CNTN4: variants seen among roughly 807,000 people sequenced by gnomAD.
CNTN4 encodes contactin-4.
A neutral mutation model predicts 122.5 loss-of-function variants in CNTN4; 77 were observed. The observed-to-expected ratio is 0.63, with a 90% CI of 0.52 to 0.76. The LOEUF (loss-of-function observed/expected upper bound fraction) is 0.76. CNTN4 is among the 30% of genes least tolerant of loss of function. The pLI is 0.00. For synonymous variants in CNTN4, 512 were observed against 447.0 expected (o/e 1.15, Z -1.83); for missense variants, 1,256 against 1,259.1 (o/e 1.00, Z 0.04).
intron 5 of CNTN4, among the ~76,000 whole-genome samples, chr3:2,741,791 A>G (rs748235476): frequency 1.7e-4 from 26 of 152,162 alleles, no homozygotes; most frequent in Non-Finnish European, 3.4e-4. Context: ...TTTTCCCCCA[A>G]ACTGTGACCT....
chr3:3,027,914 A>G (rs148268329), intron 15 of CNTN4, among the ~76,000 whole-genome samples: 395 of 152,280 alleles, frequency 2.6e-3, no homozygotes, highest in African/African-American at 8.7e-3. Flanking sequence ...TTCATCTTTC[A>G]TATGGAAAAT....
chr3:2,146,873 T>A (rs938178689), intron 2 of CNTN4, among the ~76,000 whole-genome samples: 7 of 152,082 alleles, frequency 4.6e-5, no homozygotes, highest in African/African-American at 1.7e-4. Flanking sequence ...TTCCATAGTT[T>A]TTTGTTGTTG....
At chr3:2,263,198 A>G (rs1052721200) in intron 2 of CNTN4, among the ~76,000 whole-genome samples, 3 of 152,272 alleles carry the variant, frequency 2.0e-5, no homozygotes, top group Non-Finnish European at 4.4e-5. Flanking sequence ...AATATATCCT[A>G]TATTTTAAAA....
intron 4 of CNTN4, among the ~76,000 whole-genome samples, chr3:2,657,427 T>C (rs1215111006): frequency 6.6e-6 from 1 of 152,190 alleles, no homozygotes. Flanking sequence ...TTTTTATTCA[T>C]GCTGAAGTAA....
At chr3:2,514,485 A>T (rs1021680342) in intron 3 of CNTN4, among the ~76,000 whole-genome samples, 1 of 150,604 alleles carries the variant, frequency 6.6e-6, no homozygotes, top group African/African-American at 2.5e-5. Flanking sequence ...AAAAAAAAAA[A>T]TGAATATGAC....
At chr3:2,517,045 C>G (rs764042219) in intron 3 of CNTN4, among the ~76,000 whole-genome samples, 28 of 152,040 alleles carry the variant, frequency 1.8e-4, no homozygotes, top group Admixed American at 4.6e-4. Flanking sequence ...TGAAATATAT[C>G]AAGTGTAAGG....
Position 2,842,237 on chromosome 3 carries a change from G to T in CNTN4, c.454+22656G>T, listed in dbSNP as rs141517512. On this transcript the variant is annotated intron_variant, in intron 7 of 24. Transcript: ENST00000418658. ...TGAAGAGAACCTTGAAACAGATGCT[G>T]CAATAATCCAAGTAAGAGATATTGG... Among the ~76,000 whole-genome samples, 725 of 152,304 alleles carry T rather than the reference G, an allele frequency of 4.8e-3. 6 individuals are homozygous for T. Among genetic ancestry groups the T allele is most frequent in the African/African-American group, 0.017 (691 of 41,556 alleles).
At chr3:2,801,531 A>C (rs2092346586) in intron 6 of CNTN4, among the ~76,000 whole-genome samples, 1 of 152,202 alleles carries the variant, frequency 6.6e-6, no homozygotes, top group Non-Finnish European at 1.5e-5. Flanking sequence ...CCTATTATGC[A>C]TCTTGGTAAA....
rs368044102 is a variant in CNTN4, at chr3:2,230,575, A to G, written c.-144-108603A>G. Among the ~76,000 whole-genome samples, 3 of 152,282 alleles carry G rather than the reference A, an allele frequency of 2.0e-5. No homozygotes were observed. The East Asian group carries it at 5.8e-4, about 29-fold the overall frequency. ...CCAATAATATGGGTTCTTTCCTTTT[A>G]GAAACTAACTTAATCACTGGAACCA... On this transcript the variant is annotated intron_variant, in intron 2 of 24. Coordinates refer to ENST00000418658, the MANE Select transcript of CNTN4 (RefSeq NM_175607.3).
At chr3:2,464,137 T>G (rs757777341) in intron 3 of CNTN4, among the ~76,000 whole-genome samples, 1 of 152,196 alleles carries the variant, frequency 6.6e-6, no homozygotes, top group Non-Finnish European at 1.5e-5. Context: ...GACAACTTCA[T>G]TTGTCCTCTG....
intron 2 of CNTN4, among the ~76,000 whole-genome samples, chr3:2,245,688 T>A (rs958612326): frequency 6.6e-6 from 1 of 152,060 alleles, no homozygotes; most frequent in Non-Finnish European, 1.5e-5. Context: ...GGTGTACGTA[T>A]TTTCTTTTGT....
At chr3:2,918,952 C>T (rs758479007) in intron 12 of CNTN4, among the ~76,000 whole-genome samples, 1 of 152,180 alleles carries the variant, frequency 6.6e-6, no homozygotes, top group African/African-American at 2.4e-5. Flanking sequence ...CTGCAACATA[C>T]ATTCATTCAT....
intron 13 of CNTN4, among the ~76,000 whole-genome samples, chr3:2,943,630 A>T (rs13064094): frequency 0.29 from 36,973 of 128,236 alleles, 5,475 homozygotes; most frequent in South Asian, 0.31. Context: ...ATATATATAT[A>T]TTTTTTTTTT....
intron 2 of CNTN4, among the ~76,000 whole-genome samples, chr3:2,186,293 G>A (rs1314467046): frequency 6.6e-6 from 1 of 152,140 alleles, no homozygotes; most frequent in Admixed American, 6.5e-5. Flanking sequence ...GTATTTCATG[G>A]TGTATATGTG....
At chr3:2,455,748 T>C (rs955586960) in intron 3 of CNTN4, among the ~76,000 whole-genome samples, 15 of 152,176 alleles carry the variant, frequency 9.9e-5, no homozygotes, top group African/African-American at 3.4e-4. Context: ...GTGTGTCTTA[T>C]TGAGCAGAGA....
chr3:2,193,358 A>T (rs1451813743), intron 2 of CNTN4, among the ~76,000 whole-genome samples: 2 of 152,172 alleles, frequency 1.3e-5, no homozygotes, highest in African/African-American at 4.8e-5. Flanking sequence ...GGAAAAAAAA[A>T]AGCCACTCCT....
chr3:2,622,600 G>T (rs968601482), intron 4 of CNTN4, among the ~76,000 whole-genome samples: 1 of 152,170 alleles, frequency 6.6e-6, no homozygotes, highest in African/African-American at 2.4e-5. Flanking sequence ...TGAAGCAGAG[G>T]AGTTGTCTGC....
At chr3:2,656,113 C>G (rs544030480) in intron 4 of CNTN4, among the ~76,000 whole-genome samples, 1 of 152,126 alleles carries the variant, frequency 6.6e-6, no homozygotes. Context: ...AGAGTAGCAC[C>G]ATGCATCCTA....
At chr3:2,838,495 G>GAAGTTTT (rs1283082335) in intron 7 of CNTN4, among the ~76,000 whole-genome samples, 1 of 148,820 alleles carries the variant, frequency 6.7e-6, no homozygotes, top group Non-Finnish European at 1.5e-5. Context: ...GAGAAATATT[G>GAAGTTTT]AAGTTTTAAG....
Sources: allele counts gnomAD v4.1 joint callset (sites outside exome capture counted in the v4.1 genomes callset), GRCh38; gene constraint gnomAD v4.1.1; transcripts MANE v1.5; gene names NCBI Gene and HGNC (gene_info 2026-07-23, HGNC 2026-07-21).